Variants in SMAD4 observed in about 807,000 individuals in gnomAD.
SMAD4 encodes the protein SMAD family member 4.
In SMAD4, 7 loss-of-function variants were observed where a neutral mutation model predicts 63.2. That is an observed-to-expected ratio of 0.11 (90% CI 0.06 to 0.21). The LOEUF (loss-of-function observed/expected upper bound fraction) is 0.21. Ranked by LOEUF, SMAD4 falls within the 10% of genes least tolerant of loss-of-function variation. The pLI is 1.00. For missense variants in SMAD4, 312 were observed against 693.8 expected (o/e 0.45, Z 6.18); for synonymous variants, 215 against 235.4 (o/e 0.91, Z 0.79).
In SMAD4 at chr18:51,048,870, C is replaced by T. The variant is rs777019571; in HGVS notation, c.424+10C>T. On this transcript the variant is annotated intron_variant, in intron 3 of 11. Transcript: ENST00000342988. ...GTATCACCTGGAATTGGTAAGTAGA[C>T]TTTGCTTTCATCCTAAGAAACATAA... 1 of 1,606,428 alleles carries T rather than the reference C, an allele frequency of 6.2e-7. No individual in the cohort carries two copies. Among genetic ancestry groups the T allele is most frequent in the South Asian group, 1.1e-5 (1 of 90,964 alleles).
chr18:51,031,530 A>T (rs550520420), intron 1 of SMAD4, among the ~76,000 whole-genome samples: 19 of 152,230 alleles, frequency 1.2e-4, no homozygotes, highest in Non-Finnish European at 2.6e-4. Context: ...TGGAATTGCC[A>T]GTTATTTAGG....
intron 10 of SMAD4, among the ~76,000 whole-genome samples, chr18:51,068,512 T>C (rs1167105855): frequency 6.6e-6 from 1 of 152,218 alleles, no homozygotes; most frequent in Non-Finnish European, 1.5e-5. Flanking sequence ...AATTCCCTGT[T>C]AAAATTTTCA....
chr18:51,048,592 T>C, intron 2 of SMAD4, 94 bp from the exon 3 acceptor site: 1 of 1,111,858 alleles, frequency 9.0e-7, no homozygotes, highest in Middle Eastern at 2.0e-4. Context: ...GGGATTGTAA[T>C]ACTGAGTTGG....
chr18:51,039,292 A>G (rs1909303363), intron 1 of SMAD4, among the ~76,000 whole-genome samples: 1 of 152,218 alleles, frequency 6.6e-6, no homozygotes, highest in African/African-American at 2.4e-5. Context: ...ATCAGGGAAC[A>G]TGTAAGAGTC....
At chr18:51,075,402 T>C (rs1187366333) in intron 10 of SMAD4, among the ~76,000 whole-genome samples, 1 of 152,188 alleles carries the variant, frequency 6.6e-6, no homozygotes, top group Non-Finnish European at 1.5e-5. Flanking sequence ...GGGCCCCTTA[T>C]GTACGTAATG....
chr18:51,042,177 A>G (rs1467239921), intron 1 of SMAD4, among the ~76,000 whole-genome samples: 1 of 152,218 alleles, frequency 6.6e-6, no homozygotes, highest in Non-Finnish European at 1.5e-5. Context: ...CAGATGCCCC[A>G]GAAATTCATG....
In SMAD4 at chr18:51,047,507, T is replaced by C. The variant is rs538363097; in HGVS notation, c.249+212T>C. Among the ~76,000 whole-genome samples the C allele has an allele frequency of 3.3e-5, 5 of 152,324 alleles. No homozygotes were observed. In the East Asian group the frequency reaches 7.7e-4, roughly 23 times the overall value. ...TTTAATGTTCTACTCAGAAAAATGT[T>C]CAATGGAGAAAATTTGGAAAATAAA... On this transcript the variant is annotated intron_variant, in intron 2 of 11. Transcript: ENST00000342988.
intron 1 of SMAD4, among the ~76,000 whole-genome samples, chr18:51,032,133 T>C (rs980060405): frequency 3.3e-5 from 5 of 152,246 alleles, no homozygotes; most frequent in African/African-American, 1.2e-4. Flanking sequence ...TGGTGAATTA[T>C]GTAGGTTTAA....
At position 51,039,567 on chromosome 18, in the gene SMAD4, C is replaced by T. The variant is rs58990052; in HGVS notation, c.-127-7353C>T. ...CACTTGCCTGCCTTGCGTTCTTTTT[C>T]ATCAGAAACAACACTGTGGCCAGGG... On this transcript the variant is annotated intron_variant, in intron 1 of 11. Coordinates refer to ENST00000342988, the MANE Select transcript of SMAD4 (RefSeq NM_005359.6). 9.7e-3 allele frequency among the ~76,000 whole-genome samples: 1,325 copies of T among 136,322 alleles called. 18 individuals are homozygous for T. Among genetic ancestry groups the T allele is most frequent in the African/African-American group, 0.031 (1,132 of 36,298 alleles). The allele number at this position is 136,322 out of a possible 152,430, so 89.4% of individuals were successfully genotyped here.
intron 11 of SMAD4, 86 bp from the exon 12 acceptor site, chr18:51,078,170 G>A: frequency 9.1e-7 from 1 of 1,096,408 alleles, no homozygotes; most frequent in South Asian, 1.3e-5. Flanking sequence ...AATACAGAAA[G>A]CTGGTCACTT....
intron 2 of SMAD4, among the ~76,000 whole-genome samples, chr18:51,047,990 A>T (rs903793748): frequency 2.0e-5 from 3 of 152,182 alleles, no homozygotes; most frequent in Non-Finnish European, 2.9e-5. Flanking sequence ...GAAATCTGAT[A>T]TGTTTCACTG....
intron 4 of SMAD4, chr18:51,051,446 C>G: frequency 2.2e-6 from 1 of 452,278 alleles, no homozygotes; most frequent in Non-Finnish European, 4.4e-6. Context: ...TGGGACAGTT[C>G]CTTCATTTTT....
At chr18:51,071,912 A>C (rs978570057) in intron 10 of SMAD4, among the ~76,000 whole-genome samples, 1 of 152,202 alleles carries the variant, frequency 6.6e-6, no homozygotes, top group African/African-American at 2.4e-5. Flanking sequence ...ACTAAGCATA[A>C]TGTTTCAAGC....
In SMAD4 at chr18:51,060,773, A is replaced by G. The variant is rs185236287; in HGVS notation, c.955+857A>G. Among the ~76,000 whole-genome samples, 367 of 152,314 alleles carry G rather than the reference A, an allele frequency of 2.4e-3. 2 individuals are homozygous for G. Among genetic ancestry groups the G allele is most frequent in the African/African-American group, 8.6e-3 (357 of 41,578 alleles). On this transcript the variant is annotated intron_variant, in intron 8 of 11. Transcript: ENST00000342988. ...CTCAGCTTCTAGAGTAGCTGGGACT[A>G]TAGGCAAGGGCCACCATGCCTGGCT...
intron 4 of SMAD4, chr18:51,051,557 A>G (rs912235496): frequency 2.7e-6 from 1 of 373,506 alleles, no homozygotes; most frequent in Non-Finnish European, 5.2e-6. Context: ...CAAGTATTTA[A>G]TAAGCATGTA....
chr18:51,066,858 A>G, intron 9 of SMAD4, 161 bp from the exon 10 acceptor site: 1 of 622,366 alleles, frequency 1.6e-6, no homozygotes, highest in East Asian at 2.8e-5. Flanking sequence ...TATGAACAGG[A>G]AAAGAAAAAA....
intron 5 of SMAD4, among the ~76,000 whole-genome samples, chr18:51,055,329 A>G (rs147493936): frequency 6.6e-6 from 1 of 152,304 alleles, no homozygotes; most frequent in East Asian, 1.9e-4. Context: ...GTCTGTGTTA[A>G]TGGAATTGCA....
intron 1 of SMAD4, among the ~76,000 whole-genome samples, chr18:51,038,255 G>A (rs571001757): frequency 2.7e-5 from 4 of 150,578 alleles, no homozygotes; most frequent in Non-Finnish European, 5.9e-5. Flanking sequence ...AGACTGTGGG[G>A]GGGGGGGCAG....
intron 9 of SMAD4, among the ~76,000 whole-genome samples, chr18:51,066,445 A>G (rs1227038839): frequency 6.6e-6 from 1 of 152,036 alleles, no homozygotes; most frequent in East Asian, 1.9e-4. Flanking sequence ...TCGGCTTTTA[A>G]GGATGTGTGT....
Sources: gnomAD v4.1 joint callset for allele counts (sites outside exome capture counted in the v4.1 genomes callset) on GRCh38, gnomAD v4.1.1 for gene constraint, MANE v1.5 for transcripts, NCBI Gene and HGNC (gene_info 2026-07-23, HGNC 2026-07-21) for gene names.